SFTA2: variants seen among roughly 807,000 people sequenced by gnomAD.
SFTA2 encodes the protein surfactant associated 2, also known as surfactant-associated protein 2.
In SFTA2, 3 loss-of-function variants were observed where a neutral mutation model predicts 6.0. That is an observed-to-expected ratio of 0.50 (90% CI 0.23 to 1.28). SFTA2 has a LOEUF of 1.28. Ranked by LOEUF, SFTA2 falls within the 50% of genes most tolerant of loss-of-function variation. The probability of loss-of-function intolerance (pLI) is 0.19; values close to 1 mark genes in which losing one functional copy is unlikely to be tolerated. For missense variants in SFTA2, 87 were observed against 88.5 expected (o/e 0.98, Z 0.07); for synonymous variants, 40 against 39.3 (o/e 1.02, Z -0.07).
At position 30,932,157 on chromosome 6, in the gene SFTA2, A is replaced by C; in HGVS notation, c.-61T>G. On this transcript the variant is annotated 5_prime_UTR_variant, in exon 1 of 3. Transcript: ENST00000359086. The surrounding 1 kb of genome is among the most constrained non-coding windows in gnomAD (Gnocchi z 6.5). ...GAAGTCCCGGTGGCCTCTCCTTAAC[A>C]GGCCTGTTTCTACACCCCACTCAAG... 4 of 1,554,038 alleles carry C rather than the reference A, an allele frequency of 2.6e-6. No individual in the cohort carries two copies. The highest frequency in any genetic ancestry group is 1.8e-5 in the Admixed American group (1 of 54,738).
Position 30,931,523 on chromosome 6 carries a change from C to T in SFTA2, c.202G>A (p.Ala68Thr). Residue 68 changes from alanine to threonine, a missense_variant, in exon 3 of 3, where the codon GCA becomes ACA. Physicochemically the swap from Ala to Thr is moderately conservative, Grantham distance 58. Coordinates refer to ENST00000359086, the MANE Select transcript of SFTA2 (RefSeq NM_205854.3). ...CAGACAACATGGTGTTGAGATCTTG[C>T]ATGGTGGAGGGTGACGCTGGTCCCT... ...PSGTSVTLHH[A>T]RSQHHVVCNT is the part of the protein sequence containing the mutation. 1 of 1,607,354 alleles carries T rather than the reference C, an allele frequency of 6.2e-7. No homozygotes were observed. The highest frequency in any genetic ancestry group is 8.5e-7 in the Non-Finnish European group (1 of 1,176,954).
chr6:30,931,867 G>A (rs940864431), intron 1 of SFTA2, 72 bp from the exon 2 acceptor site: 5 of 1,574,712 alleles, frequency 3.2e-6, no homozygotes, highest in South Asian at 2.2e-5. Context: ...GAACCTTCCT[G>A]CTCACGCTCC....
In SFTA2 at chr6:30,931,880, G is replaced by A. The variant is rs577839591; in HGVS notation, c.62-85C>T. The A allele has an allele frequency of 2.1e-4, 325 of 1,554,718 alleles. 2 individuals are homozygous for A. Among genetic ancestry groups the A allele is most frequent in the South Asian group, 1.4e-3 (125 of 89,272 alleles). ...CAGAACCTTCCTGCTCACGCTCCCC[G>A]GCACAGTTCCTCTTCCCCAGCAATG... On this transcript the variant is annotated intron_variant, in intron 1 of 2. Coordinates refer to ENST00000359086, the MANE Select transcript of SFTA2 (RefSeq NM_205854.3).
Position 30,931,707 on chromosome 6 carries a change from C to G in SFTA2, c.150G>C (p.Lys50Asn). 1.2e-6 allele frequency: 2 copies of G among 1,613,196 alleles called. No homozygotes were observed. The highest frequency in any genetic ancestry group is 1.7e-6 in the Non-Finnish European group (2 of 1,180,022). ...CATCTTTCCCCTTCCAAAGAACTAC[C>G]TTTTCAAGCAATTCCAGGAAGCTGG... ...YESSFLELLE[K>N]LCLLLHLPSG... is the part of the protein sequence containing the mutation. Residue 50 changes from lysine (K) to asparagine (N), a missense_variant and splice_region_variant, in exon 2 of 3, where the codon AAG (lysine) becomes AAC (asparagine). Coordinates refer to ENST00000359086, the MANE Select transcript of SFTA2 (RefSeq NM_205854.3).
At position 30,931,746 on chromosome 6, in the gene SFTA2, A is replaced by C; in HGVS notation, c.111T>G (p.Asn37Lys). 6.2e-7 allele frequency: 1 copy of C among 1,613,116 alleles called. No individual in the cohort carries two copies. Among genetic ancestry groups the C allele is most frequent in the Non-Finnish European group, 8.5e-7 (1 of 1,180,032 alleles). ...QLKLKESFLT[N>K]SSYESSFLEL... ...CCAGGAAGCTGGACTCATAGGAGGA[A>C]TTTGTCAGAAAAGACTCCTTCAGCT... The change falls in exon 2 of 3, where the codon AAT becomes AAG. Residue 37 changes from asparagine to lysine, a missense_variant. By Grantham distance (94) the Asn-to-Lys change is moderately conservative. Coordinates refer to ENST00000359086, the MANE Select transcript of SFTA2 (RefSeq NM_205854.3).
intron 1 of SFTA2, 41 bp from the exon 2 acceptor site, chr6:30,931,836 G>C: frequency 6.2e-7 from 1 of 1,604,700 alleles, no homozygotes; most frequent in East Asian, 2.2e-5. Flanking sequence ...AGCAGTCAGG[G>C]CTGATTCCTC....
Position 30,931,506 on chromosome 6 carries a change from A to G in SFTA2, c.219T>C (p.His73=). Residue 73 remains histidine (H), a synonymous_variant, in exon 3 of 3, where the codon CAT becomes CAC. Coordinates refer to ENST00000359086, the MANE Select transcript of SFTA2 (RefSeq NM_205854.3). ...VTLHHARSQH[H]VVCNT ...ATGGCTGTCATGTGTTGCAGACAAC[A>G]TGGTGTTGAGATCTTGCATGGTGGA... The G allele has an allele frequency of 1.9e-6, 3 of 1,599,270 alleles. No homozygotes were observed. Among genetic ancestry groups the G allele is most frequent in the South Asian group, 2.2e-5 (2 of 89,034 alleles).
chr6:30,931,895 C>G (rs1182499239), intron 1 of SFTA2, 100 bp from the exon 2 acceptor site: 4 of 1,542,390 alleles, frequency 2.6e-6, no homozygotes, highest in Non-Finnish European at 3.6e-6. Flanking sequence ...AGTTCCTCTT[C>G]CCCAGCAATG....
chr6:30,931,535 T>C lies in SFTA2; in HGVS notation c.190A>G (p.Thr64Ala). 6.2e-7 allele frequency: 1 copy of C among 1,608,760 alleles called. No homozygotes were observed. The highest frequency in any genetic ancestry group is 8.5e-7 in the Non-Finnish European group (1 of 1,177,750). The part of the protein sequence containing the change: ...LLHLPSGTSV[T>A]LHHARSQHHV... ...TGTTGAGATCTTGCATGGTGGAGGGTGACGCTGGTCCCTGAAGGGAGATGG... is the reference window on the plus strand; with the variant it reads ...TGTTGAGATCTTGCATGGTGGAGGGCGACGCTGGTCCCTGAAGGGAGATGG... The change falls in exon 3 of 3, where the codon ACC becomes GCC. Residue 64 changes from threonine to alanine, a missense_variant. Physicochemically the swap from Thr to Ala is moderately conservative, Grantham distance 58 (BLOSUM62 0). Coordinates refer to ENST00000359086, the MANE Select transcript of SFTA2 (RefSeq NM_205854.3).
chr6:30,931,966 G>A, intron 1 of SFTA2, 70 bp downstream of exon 1: 2 of 1,574,268 alleles, frequency 1.3e-6, no homozygotes, highest in Non-Finnish European at 8.7e-7. Context: ...CAGGGACCAT[G>A]AAGTCCCACC....
chr6:30,931,741 G>A lies in SFTA2; in HGVS notation c.116C>T (p.Ser39Phe). 6.2e-7 allele frequency: 1 copy of A among 1,613,112 alleles called. No individual in the cohort carries two copies. Among genetic ancestry groups the A allele is most frequent in the Non-Finnish European group, 8.5e-7 (1 of 1,180,022 alleles). ...CAATTCCAGGAAGCTGGACTCATAGGAGGAATTTGTCAGAAAAGACTCCTT... is the reference window on the plus strand; with the variant it reads ...CAATTCCAGGAAGCTGGACTCATAGAAGGAATTTGTCAGAAAAGACTCCTT... ...KLKESFLTNS[S>F]YESSFLELLE... Residue 39 changes from serine (S) to phenylalanine (F), a missense_variant, in exon 2 of 3, where the codon TCC becomes TTC. By Grantham distance (155) the Ser-to-Phe change is radical. Coordinates refer to ENST00000359086, the MANE Select transcript of SFTA2 (RefSeq NM_205854.3).
At chr6:30,931,844 C>G (rs181937381) in intron 1 of SFTA2, 49 bp from the exon 2 acceptor site, 1 of 1,601,316 alleles carries the variant, frequency 6.2e-7, no homozygotes, top group Non-Finnish European at 8.5e-7. Flanking sequence ...GGGCTGATTC[C>G]TCCGGAGACA....
At position 30,931,780 on chromosome 6, in the gene SFTA2, A is replaced by G; in HGVS notation, c.77T>C (p.Leu26Ser). 1 of 1,613,096 alleles carries G rather than the reference A, an allele frequency of 6.2e-7. No individual in the cohort carries two copies. Residue 26 changes from leucine to serine, a missense_variant, in exon 2 of 3, where the codon TTG becomes TCG. Coordinates refer to ENST00000359086, the MANE Select transcript of SFTA2 (RefSeq NM_205854.3). ...AAAAGACTCCTTCAGCTTCAGTTGC[A>G]AAGTCATACCCGGCCCTGCGGATCC... ...SSHGTGPGMT[L>S]QLKLKESFLT...
chr6:30,931,398 G>GGGGGCCTGCTGAAAGACAGGGTC lies in SFTA2; in HGVS notation c.*67_*89dup. 1 of 1,254,368 alleles carries GGGGGCCTGCTGAAAGACAGGGTC rather than the reference G, an allele frequency of 8.0e-7. No homozygotes were observed. The highest frequency in any genetic ancestry group is 1.1e-6 in the Non-Finnish European group (1 of 910,912). 77.7% of individuals were successfully genotyped at this position (1,254,368 alleles called of 1,614,324 possible). A position where few individuals can be genotyped will look rare whatever the true frequency, so the allele number is the denominator to read the frequency against. On this transcript the variant is annotated 3_prime_UTR_variant, in exon 3 of 3. Transcript: ENST00000359086. ...TTTATTTATTGCCGCTCAGGAGGGT[G>GGGGGCCTGCTGAAAGACAGGGTC]GGGGCCTGCTGAAAGACAGGGTCGG...
rs1795130993 is a variant in SFTA2 at position 30,931,402 on chromosome 6, G to A, written c.*86C>T. 8 of 1,284,698 alleles carry A rather than the reference G, an allele frequency of 6.2e-6. No homozygotes were observed. Among genetic ancestry groups the A allele is most frequent in the Non-Finnish European group, 4.3e-6 (4 of 937,916 alleles). The allele number at this position is 1,284,698 out of a possible 1,614,324, so 79.6% of individuals were successfully genotyped here. The stretch of plus-strand genomic sequence containing the variant: ...TTTATTGCCGCTCAGGAGGGTGGGG[G>A]CCTGCTGAAAGACAGGGTCGGGGCC... On this transcript the variant is annotated 3_prime_UTR_variant, in exon 3 of 3. Transcript: ENST00000359086.
chr6:30,931,477 T>A lies in SFTA2; in HGVS notation c.*11A>T. ...AGCCCGGGCCAAGAAGGACACAGGC[T>A]TCAATGGCTGTCATGTGTTGCAGAC... On this transcript the variant is annotated 3_prime_UTR_variant, in exon 3 of 3. Transcript: ENST00000359086. The A allele has an allele frequency of 6.4e-7, 1 of 1,560,342 alleles. No individual in the cohort carries two copies. The highest frequency in any genetic ancestry group is 8.7e-7 in the Non-Finnish European group (1 of 1,150,644).
At position 30,932,123 on chromosome 6, in the gene SFTA2, G is replaced by A. The variant is rs887869133; in HGVS notation, c.-27C>T. The A allele has an allele frequency of 2.5e-6, 4 of 1,609,016 alleles. No individual in the cohort carries two copies. Among genetic ancestry groups the A allele is most frequent in the Non-Finnish European group, 3.4e-6 (4 of 1,178,382 alleles). On this transcript the variant is annotated 5_prime_UTR_variant, in exon 1 of 3. Coordinates refer to ENST00000359086, the MANE Select transcript of SFTA2 (RefSeq NM_205854.3). This position sits in a 1 kb window ranked among gnomAD's most constrained non-coding sequence, Gnocchi z 6.5. ...GTGGCCACTGCGCTCCTGGGATGGA[G>A]GAGACACTGAAGTCCCGGTGGCCTC...
In SFTA2 at chr6:30,931,558, T is replaced by C; in HGVS notation, c.167A>G (p.His56Arg). 1 of 1,609,736 alleles carries C rather than the reference T, an allele frequency of 6.2e-7. No homozygotes were observed. The highest frequency in any genetic ancestry group is 2.2e-5 in the East Asian group (1 of 44,794). Residue 56 changes from histidine to arginine, a missense_variant, in exon 3 of 3, where the codon CAT (histidine) becomes CGT (arginine). Coordinates refer to ENST00000359086, the MANE Select transcript of SFTA2 (RefSeq NM_205854.3). ...GGTGACGCTGGTCCCTGAAGGGAGA[T>C]GGAGGAGGAGGCAGAGCTGGGAACA... The part of the protein sequence containing the change: ...ELLEKLCLLL[H>R]LPSGTSVTLH...
chr6:30,931,368 C>A lies in SFTA2; in HGVS notation c.*120G>T, dbSNP rs578033119. The A allele has an allele frequency of 1.0e-6, 1 of 966,396 alleles. No homozygotes were observed. The highest frequency in any genetic ancestry group is 2.6e-5 in the East Asian group (1 of 38,222). The allele number at this position is 966,396 out of a possible 1,614,324, so 59.9% of individuals were successfully genotyped here. A position where few individuals can be genotyped will look rare whatever the true frequency, so the allele number is the denominator to read the frequency against. The stretch of plus-strand genomic sequence containing the variant: ...AAGCAAGTTATTGAATTCAGCATAC[C>A]GAATTTTATTTATTGCCGCTCAGGA... On this transcript the variant is annotated 3_prime_UTR_variant, in exon 3 of 3. Coordinates refer to ENST00000359086, the MANE Select transcript of SFTA2 (RefSeq NM_205854.3).
Sources: allele counts gnomAD v4.1 joint callset, GRCh38; gene constraint gnomAD v4.1.1; non-coding constraint Gnocchi (gnomAD v3.1); transcripts MANE v1.5; gene names NCBI Gene and HGNC (gene_info 2026-07-23, HGNC 2026-07-21).